SARM1: variants seen among roughly 807,000 people sequenced by gnomAD.
The protein encoded by SARM1 is NAD(+) hydrolase SARM1.
A neutral mutation model predicts 65.1 loss-of-function variants in SARM1; 60 were observed. That is an observed-to-expected ratio of 0.92 (90% CI 0.75 to 1.14). The LOEUF (loss-of-function observed/expected upper bound fraction) is 1.14, where lower values mean the gene tolerates loss of function less well. Ranked by LOEUF, SARM1 falls within the 50% of genes most tolerant of loss-of-function variation. SARM1 has a pLI of 0.00. For synonymous variants in SARM1, 417 were observed against 465.4 expected, an observed-to-expected ratio of 0.90 and a Z score of 1.34; for missense variants, 913 against 1,015.7, an observed-to-expected ratio of 0.90 and a Z score of 1.37.
At chr17:28,391,194 T>C (rs1006385496) in intron 7 of SARM1, among the ~76,000 whole-genome samples, 50 of 152,288 alleles carry the variant, frequency 3.3e-4, no homozygotes, top group African/African-American at 1.1e-3. Context: ...ACCAAGGAAA[T>C]TGGCAACCAC....
chr17:28,380,812 T>C (rs2068018562), intron 1 of SARM1, among the ~76,000 whole-genome samples: 1 of 152,232 alleles, frequency 6.6e-6, no homozygotes, highest in African/African-American at 2.4e-5. Context: ...CAGGTATTTC[T>C]ATTTTCTATT....
chr17:28,384,396 C>T lies in SARM1; in HGVS notation c.1129C>T (p.Leu377=), dbSNP rs1555585628. Residue 377 remains leucine (L), a synonymous_variant, in exon 3 of 9, where the codon CTG becomes TTG. Transcript: ENST00000585482. The surrounding 1 kb of genome is among the most constrained non-coding windows in gnomAD (Gnocchi z 4.4). ...DIGAIQSLKR[L]VSYSTNGTKS... The stretch of plus-strand genomic sequence containing the variant: ...CGGCGCCATCCAGAGCCTGAAACGC[C>T]TGGTTTCCTACTCTACCAATGGCAC... 6.2e-7 allele frequency: 1 copy of T among 1,609,714 alleles called. No homozygotes were observed.
rs1310023103 is a variant in SARM1 at position 28,398,848 on chromosome 17, T to C, written c.*2562T>C. The C allele has an allele frequency of 6.6e-6, 1 of 152,258 alleles. No homozygotes were observed. Among genetic ancestry groups the C allele is most frequent in the African/African-American group, 2.4e-5 (1 of 41,464 alleles). 9.4% of individuals were successfully genotyped at this position (152,258 alleles called of 1,614,324 possible). The stretch of plus-strand genomic sequence containing the variant: ...GGGGCATTGCTGATCTAGCCGTTCC[T>C]AGTGGGGCTTGCTCAAGGTTGCACA... On this transcript the variant is annotated 3_prime_UTR_variant, in exon 9 of 9. Transcript: ENST00000585482.
Position 28,385,654 on chromosome 17 carries a change from G to C in SARM1, c.1630+379G>C, listed in dbSNP as rs2068047326. ...CACTGGCGGGGAGGGGTGGCAACAGGAAGGGCAGCCCAGGCAGAGGCAGCG... is the reference window on the plus strand; with the variant it reads ...CACTGGCGGGGAGGGGTGGCAACAGCAAGGGCAGCCCAGGCAGAGGCAGCG... On this transcript the variant is annotated intron_variant, in intron 5 of 8. Transcript: ENST00000585482. The surrounding 1 kb of genome is among the most constrained non-coding windows in gnomAD (Gnocchi z 4.5). Among the ~76,000 whole-genome samples the C allele has an allele frequency of 6.6e-6, 1 of 152,110 alleles. No individual in the cohort carries two copies. Among genetic ancestry groups the C allele is most frequent in the East Asian group, 1.9e-4 (1 of 5,180 alleles).
At position 28,384,457 on chromosome 17, in the gene SARM1, T is replaced by C. The variant is rs1555585639; in HGVS notation, c.1190T>C (p.Leu397Pro). 3.1e-6 allele frequency: 5 copies of C among 1,613,420 alleles called. No homozygotes were observed. The highest frequency in any genetic ancestry group is 4.2e-6 in the Non-Finnish European group (5 of 1,179,670). The change falls in exon 3 of 9, where the codon CTG (leucine) becomes CCG (proline). Residue 397 changes from leucine (L) to proline (P), a missense_variant. Coordinates refer to ENST00000585482, the MANE Select transcript of SARM1 (RefSeq NM_015077.4). The surrounding 1 kb of genome is among the most constrained non-coding windows in gnomAD (Gnocchi z 4.4). ...SALAKRALRL[L>P]GEEVPRPILP... ...CTGGCCAAGCGCGCGCTGCGCCTGC[T>C]GGGCGAGGAGGTGCCACGGCCCATC... is the stretch of plus-strand genomic sequence containing the variant.
chr17:28,402,120 A>T lies in SARM1; in HGVS notation c.*5834A>T. ...AGAAATGTGTTTGTTTTGGCCACTT[A>T]CTTCTCCAGGGTGAGAGGGGGGAAG... is the stretch of plus-strand genomic sequence containing the variant. On this transcript the variant is annotated 3_prime_UTR_variant, in exon 9 of 9. Transcript: ENST00000585482. 1.2e-6 allele frequency: 1 copy of T among 809,252 alleles called. No individual in the cohort carries two copies. Among genetic ancestry groups the T allele is most frequent in the Non-Finnish European group, 1.9e-6 (1 of 522,192 alleles). The allele number at this position is 809,252 out of a possible 1,614,324, so 50.1% of individuals were successfully genotyped here. A position where few individuals can be genotyped will look rare whatever the true frequency, so the allele number is the denominator to read the frequency against.
At chr17:28,392,804 G>A (rs377594587) in intron 7 of SARM1, among the ~76,000 whole-genome samples, 15 of 152,084 alleles carry the variant, frequency 9.9e-5, no homozygotes, top group Admixed American at 2.6e-4. Context: ...ACCCCTTGTC[G>A]TCCCAGCAGA....
At position 28,395,942 on chromosome 17, in the gene SARM1, T is replaced by A. The variant is rs782308805; in HGVS notation, c.1961T>A (p.Val654Glu). The change falls in exon 8 of 9, where the codon GTG becomes GAG. Residue 654 changes from valine (V) to glutamate (E), a missense_variant. Coordinates refer to ENST00000585482, the MANE Select transcript of SARM1 (RefSeq NM_015077.4). ...VTALSCGKNI[V>E]PIIDGFEWPE... is the part of the protein sequence containing the mutation. ...GCTTTAAGCTGCGGCAAGAACATTG[T>A]GCCCATCATTGATGGCTTCGAGTGG... 1.2e-6 allele frequency: 2 copies of A among 1,613,984 alleles called. No homozygotes were observed. The highest frequency in any genetic ancestry group is 1.7e-6 in the Non-Finnish European group (2 of 1,179,868).
At position 28,385,239 on chromosome 17, in the gene SARM1, G is replaced by C. The variant is rs1555585871; in HGVS notation, c.1594G>C (p.Gly532Arg). Residue 532 changes from glycine (G) to arginine (R), a missense_variant, in exon 5 of 9, where the codon GGC becomes CGC. Coordinates refer to ENST00000585482, the MANE Select transcript of SARM1 (RefSeq NM_015077.4). The surrounding 1 kb of genome is among the most constrained non-coding windows in gnomAD (Gnocchi z 4.5). ...QLLEDCGIHL[G>R]VHRARILTAA... Reference sequence around the variant, plus strand: ...GCTGGAAGACTGCGGCATCCACCTGGGCGTGCACCGCGCCCGCATCCTCAC... The same window carrying C: ...GCTGGAAGACTGCGGCATCCACCTGCGCGTGCACCGCGCCCGCATCCTCAC... The C allele has an allele frequency of 6.3e-7, 1 of 1,581,108 alleles. No individual in the cohort carries two copies. Among genetic ancestry groups the C allele is most frequent in the Admixed American group, 1.7e-5 (1 of 57,286 alleles).
In SARM1 at chr17:28,400,354, A is replaced by C; in HGVS notation, c.*4068A>C. 4.1e-6 allele frequency: 2 copies of C among 482,510 alleles called. No individual in the cohort carries two copies. The highest frequency in any genetic ancestry group is 3.8e-6 in the Non-Finnish European group (1 of 264,750). 29.9% of individuals were successfully genotyped at this position (482,510 alleles called of 1,614,324 possible). A position where few individuals can be genotyped will look rare whatever the true frequency, so the allele number is the denominator to read the frequency against. ...AATGGGAATGGAGGGAAATAGGGGA[A>C]CTGGGAGAGAGAACACAGCCTTGCC... is the stretch of plus-strand genomic sequence containing the variant. On this transcript the variant is annotated 3_prime_UTR_variant, in exon 9 of 9. Coordinates refer to ENST00000585482, the MANE Select transcript of SARM1 (RefSeq NM_015077.4).
chr17:28,372,542 T>C lies in SARM1; in HGVS notation c.470+40T>C. 6.8e-7 allele frequency: 1 copy of C among 1,463,936 alleles called. No homozygotes were observed. The highest frequency in any genetic ancestry group is 1.3e-5 in the South Asian group (1 of 78,594). 90.7% of individuals were successfully genotyped at this position (1,463,936 alleles called of 1,614,324 possible). ...CCGGGGTTGGGAGAGCGCCGCGTGG[T>C]GTGGACAGTTAAGCGCCTGCGTTCC... is the stretch of plus-strand genomic sequence containing the variant. On this transcript the variant is annotated intron_variant, in intron 1 of 8. Coordinates refer to ENST00000585482, the MANE Select transcript of SARM1 (RefSeq NM_015077.4). This position sits in a 1 kb window ranked among gnomAD's most constrained non-coding sequence, Gnocchi z 5.2.
chr17:28,380,061 T>TC (rs2068013360), intron 1 of SARM1, among the ~76,000 whole-genome samples: 3 of 150,708 alleles, frequency 2.0e-5, no homozygotes, highest in South Asian at 2.1e-4. Context: ...TCTTTTCTTT[T>TC]TTTTTTTTTT....
intron 1 of SARM1, chr17:28,373,641 TG>T (rs1163223947): frequency 1.3e-5 from 2 of 152,076 alleles, no homozygotes; most frequent in Non-Finnish European, 2.9e-5. Flanking sequence ...GCCATGAATT[TG>T]GAGGGGGTAG....
rs1555584160 is a variant in SARM1 at position 28,372,294 on chromosome 17, G to A, written c.262G>A (p.Val88Met). The change falls in exon 1 of 9, where the codon GTG (valine) becomes ATG (methionine). Residue 88 changes from valine to methionine, a missense_variant. Physicochemically the swap from Val to Met is conservative, Grantham distance 21. Around this residue, in one of 3 missense-constraint regions of SARM1, gnomAD observed 862 missense variants for 952.1 expected, o/e 0.91. Transcript: ENST00000585482. This position sits in a 1 kb window ranked among gnomAD's most constrained non-coding sequence, Gnocchi z 5.2. ...GAAGCAGGCGGGCGGCGCGCGGGCC[G>A]TGGGCGCCGGCCTGGCCGAGGTCTT... The part of the protein sequence containing the change: ...ALKQAGGARA[V>M]GAGLAEVFQL... The A allele has an allele frequency of 1.0e-5, 14 of 1,401,352 alleles. No homozygotes were observed. Among genetic ancestry groups the A allele is most frequent in the African/African-American group, 3.0e-5 (2 of 65,934 alleles). The allele number at this position is 1,401,352 out of a possible 1,614,324, so 86.8% of individuals were successfully genotyped here. A position where few individuals can be genotyped will look rare whatever the true frequency, so the allele number is the denominator to read the frequency against.
rs1555589428 is a variant in SARM1 at position 28,400,735 on chromosome 17, A to T, written c.*4449A>T. The T allele has an allele frequency of 6.3e-7, 1 of 1,594,470 alleles. No homozygotes were observed. The highest frequency in any genetic ancestry group is 1.8e-5 in the Admixed American group (1 of 56,054). ...CGGAGGCCGTCAGCATGGCCAGGCT[A>T]TTCACACAGGCCACAGCAGAAAAGA... On this transcript the variant is annotated 3_prime_UTR_variant, in exon 9 of 9. Coordinates refer to ENST00000585482, the MANE Select transcript of SARM1 (RefSeq NM_015077.4).
At chr17:28,377,446 C>CA (rs577233794) in intron 1 of SARM1, among the ~76,000 whole-genome samples, 47 of 151,980 alleles carry the variant, frequency 3.1e-4, no homozygotes, top group East Asian at 1.4e-3. Context: ...GAAAACAAAA[C>CA]AAAAAAAATC....
intron 7 of SARM1, among the ~76,000 whole-genome samples, chr17:28,391,696 T>C (rs1005948073): frequency 5.7e-5 from 7 of 122,392 alleles, no homozygotes; most frequent in Non-Finnish European, 9.6e-5. Flanking sequence ...GGAGGCTCTA[T>C]GCAATTGCAC....
chr17:28,401,854 T>C lies in SARM1; in HGVS notation c.*5568T>C. On this transcript the variant is annotated 3_prime_UTR_variant, in exon 9 of 9. Transcript: ENST00000585482. ...TTCTTTATCTGTCAACTGTGGAAAA[T>C]GAAACCCATGTCACAAGGTTGTTCA... 6.3e-6 allele frequency: 1 copy of C among 157,970 alleles called. No individual in the cohort carries two copies. The highest frequency in any genetic ancestry group is 1.4e-5 in the Non-Finnish European group (1 of 71,906). 9.8% of individuals were successfully genotyped at this position (157,970 alleles called of 1,614,324 possible).
In SARM1 at chr17:28,384,591, C is replaced by T; in HGVS notation, c.1302+22C>T. ...CCGGGTAGAGTCGCGTGGGATACGC[C>T]TCCCCCGAGTCAGAGCGGGCGCCCT... On this transcript the variant is annotated intron_variant, in intron 3 of 8. Transcript: ENST00000585482. The surrounding 1 kb of genome is among the most constrained non-coding windows in gnomAD (Gnocchi z 4.4). 6.4e-7 allele frequency: 1 copy of T among 1,563,994 alleles called. No individual in the cohort carries two copies. The highest frequency in any genetic ancestry group is 8.7e-7 in the Non-Finnish European group (1 of 1,153,270).
Sources: gnomAD v4.1 joint callset for allele counts (sites outside exome capture counted in the v4.1 genomes callset) on GRCh38, gnomAD v4.1.1 for gene constraint, gnomAD v4.1.1 regional missense constraint, Gnocchi (gnomAD v3.1) non-coding constraint, MANE v1.5 for transcripts, NCBI Gene and HGNC (gene_info 2026-07-23, HGNC 2026-07-21) for gene names.